The following PCDH9 variants were observed in gnomAD, a reference collection of about 807,000 sequenced individuals.
PCDH9 encodes the protein protocadherin-9.
Under a neutral mutation model 70.6 loss-of-function variants are expected in PCDH9, and 24 were observed. That is an observed-to-expected ratio of 0.34 (90% CI 0.25 to 0.48). The LOEUF (loss-of-function observed/expected upper bound fraction) is 0.48, where lower values mean the gene tolerates loss of function less well. PCDH9 is among the 20% of genes least tolerant of loss of function. PCDH9 has a pLI of 0.99. For synonymous variants in PCDH9, 562 were observed against 558.5 expected (o/e 1.01, Z -0.09); for missense variants, 1,281 against 1,503.6 (o/e 0.85, Z 2.45).
At chr13:66,703,920 A>AT (rs2078679783) in intron 3 of PCDH9, among the ~76,000 whole-genome samples, 2 of 151,946 alleles carry the variant, frequency 1.3e-5, no homozygotes, top group African/African-American at 4.8e-5. Context: ...TTAAAAAAAA[A>AT]TAGGAAAACA....
intron 2 of PCDH9, among the ~76,000 whole-genome samples, chr13:67,168,641 G>A (rs2138437617): frequency 6.6e-6 from 1 of 152,046 alleles, no homozygotes; most frequent in Middle Eastern, 3.4e-3. Flanking sequence ...TGAGATGGGG[G>A]GATTACTTGA....
At chr13:67,078,330 C>A (rs899951827) in intron 2 of PCDH9, among the ~76,000 whole-genome samples, 1 of 152,146 alleles carries the variant, frequency 6.6e-6, no homozygotes, top group Non-Finnish European at 1.5e-5. Flanking sequence ...TCCTTCCTTG[C>A]CCACCTCTTC....
chr13:66,735,643 T>C (rs931612358), intron 3 of PCDH9, among the ~76,000 whole-genome samples: 2 of 152,146 alleles, frequency 1.3e-5, no homozygotes, highest in Admixed American at 1.3e-4. Flanking sequence ...GTGAATTTGG[T>C]CTTATCTTTG....
chr13:66,445,446 G>GTA (rs1438436625), intron 4 of PCDH9, among the ~76,000 whole-genome samples: 4 of 141,534 alleles, frequency 2.8e-5, no homozygotes, highest in African/African-American at 5.2e-5. Flanking sequence ...GTAGATGTGT[G>GTA]TATATATATA....
chr13:66,733,308 A>G (rs1382979703), intron 3 of PCDH9, among the ~76,000 whole-genome samples: 1 of 152,132 alleles, frequency 6.6e-6, no homozygotes. Flanking sequence ...TTACTGTTTT[A>G]TTAGGTGTAG....
At chr13:66,622,813 G>T (rs531564443) in intron 4 of PCDH9, among the ~76,000 whole-genome samples, 1 of 152,268 alleles carries the variant, frequency 6.6e-6, no homozygotes, top group South Asian at 2.1e-4. Flanking sequence ...TCCCACTGTG[G>T]AAGCGTTGTG....
chr13:66,678,218 ATCTTTTCAT>A (rs1362919011), intron 3 of PCDH9, among the ~76,000 whole-genome samples: 4 of 151,952 alleles, frequency 2.6e-5, no homozygotes, highest in African/African-American at 9.7e-5. Flanking sequence ...GGTTTCCTTT[ATCTTTTCAT>A]TCTTTTCATT....
At position 66,914,824 on chromosome 13, in the gene PCDH9, A is replaced by G. The variant is rs546795705; in HGVS notation, c.3037-11219T>C. On this transcript the variant is annotated intron_variant, in intron 2 of 4. Transcript: ENST00000377865. Reference sequence around the variant, plus strand: ...TCTACATCTCACAGATATATTCAGCAACATATATATGATTTTAGAAAATTC... The same window carrying G: ...TCTACATCTCACAGATATATTCAGCGACATATATATGATTTTAGAAAATTC... 44 of 151,936 alleles carry G rather than the reference A, an allele frequency of 2.9e-4. 1 individual carries two copies. The South Asian group carries it at 9.1e-3, about 31-fold the overall frequency. The allele number at this position is 151,936 out of a possible 1,614,324, so 9.4% of individuals were successfully genotyped here. A position where few individuals can be genotyped will look rare whatever the true frequency, so the allele number is the denominator to read the frequency against.
chr13:67,168,862 T>C (rs2088198518), intron 2 of PCDH9, among the ~76,000 whole-genome samples: 1 of 152,234 alleles, frequency 6.6e-6, no homozygotes, highest in South Asian at 2.1e-4. Flanking sequence ...ATCCCTAATT[T>C]GAAAAAGTTC....
chr13:66,912,587 T>G (rs971688410), intron 2 of PCDH9, among the ~76,000 whole-genome samples: 1 of 152,078 alleles, frequency 6.6e-6, no homozygotes, highest in African/African-American at 2.4e-5. Context: ...ATCTTGTTCA[T>G]GTAAGTGATT....
chr13:66,553,811 T>C (rs1475046368), intron 4 of PCDH9, among the ~76,000 whole-genome samples: 2 of 152,222 alleles, frequency 1.3e-5, no homozygotes, highest in Admixed American at 1.3e-4. Flanking sequence ...TTGGAAACTA[T>C]TTCTATTTCC....
intron 4 of PCDH9, among the ~76,000 whole-genome samples, chr13:66,506,773 G>A (rs191811523): frequency 2.6e-5 from 4 of 152,302 alleles, no homozygotes; most frequent in East Asian, 1.9e-4. Flanking sequence ...ATGCAAATTA[G>A]GTTTAGACGC....
At chr13:67,079,459 C>G (rs2085941781) in intron 2 of PCDH9, among the ~76,000 whole-genome samples, 1 of 152,138 alleles carries the variant, frequency 6.6e-6, no homozygotes, top group African/African-American at 2.4e-5. Context: ...AAAATCTCAT[C>G]AGACAGGTTT....
chr13:66,443,528 T>A (rs1167098849), intron 4 of PCDH9, among the ~76,000 whole-genome samples: 1 of 152,178 alleles, frequency 6.6e-6, no homozygotes, highest in African/African-American at 2.4e-5. Context: ...TAATTAATAG[T>A]GACAACATTC....
At chr13:66,506,405 C>T (rs1476749824) in intron 4 of PCDH9, among the ~76,000 whole-genome samples, 2 of 151,972 alleles carry the variant, frequency 1.3e-5, no homozygotes, top group East Asian at 3.9e-4. Flanking sequence ...CCGTGGAAGA[C>T]GGACAGAATA....
At chr13:67,010,661 A>G (rs184838808) in intron 2 of PCDH9, among the ~76,000 whole-genome samples, 189 of 152,098 alleles carry the variant, frequency 1.2e-3, no homozygotes, top group African/African-American at 4.3e-3. Flanking sequence ...TTATGTATGC[A>G]TTGCCCAATT....
At chr13:67,012,694 A>G (rs1420345283) in intron 2 of PCDH9, among the ~76,000 whole-genome samples, 1 of 152,004 alleles carries the variant, frequency 6.6e-6, no homozygotes, top group African/African-American at 2.4e-5. Flanking sequence ...TTCTGCCCCC[A>G]TAATTGGGAT....
chr13:67,037,830 G>A (rs1486514448), intron 2 of PCDH9, among the ~76,000 whole-genome samples: 1 of 152,168 alleles, frequency 6.6e-6, no homozygotes, highest in Admixed American at 6.6e-5. Flanking sequence ...CCATACTTCA[G>A]TATCTCAGCA....
At chr13:66,591,041 C>T (rs1333846016) in intron 4 of PCDH9, among the ~76,000 whole-genome samples, 1 of 151,568 alleles carries the variant, frequency 6.6e-6, no homozygotes, top group East Asian at 1.9e-4. Context: ...AAAATATGTA[C>T]TTCACTTCTT....
Sources: gnomAD v4.1 joint callset for allele counts (sites outside exome capture counted in the v4.1 genomes callset) on GRCh38, gnomAD v4.1.1 for gene constraint, MANE v1.5 for transcripts, NCBI Gene and HGNC (gene_info 2026-07-23, HGNC 2026-07-21) for gene names.